Variants in CEBPZ observed in about 807,000 individuals in gnomAD.
CEBPZ encodes CCAAT enhancer binding protein zeta.
Under a neutral mutation model 104.5 loss-of-function variants are expected in CEBPZ, and 78 were observed. The observed-to-expected ratio is 0.75, with a 90% CI of 0.62 to 0.90. CEBPZ has a LOEUF of 0.90. Ranked by LOEUF, CEBPZ falls within the 40% of genes least tolerant of loss-of-function variation. The pLI, the probability that CEBPZ is intolerant of heterozygous loss-of-function variation, is 0.00. For missense variants in CEBPZ, 1,439 were observed against 1,233.5 expected (o/e 1.17, Z -2.50); for synonymous variants, 470 against 427.0 (o/e 1.10, Z -1.24).
chr2:37,218,444 G>A (rs1212250279), intron 5 of CEBPZ, among the ~76,000 whole-genome samples: 3 of 152,160 alleles, frequency 2.0e-5, no homozygotes, highest in Admixed American at 2.0e-4. Context: ...GGCCTCATGT[G>A]TAGAAAATAG....
chr2:37,226,895 C>A (rs1000465723), intron 2 of CEBPZ, among the ~76,000 whole-genome samples: 2 of 152,084 alleles, frequency 1.3e-5, no homozygotes, highest in Non-Finnish European at 2.9e-5. Flanking sequence ...AGAAAATCTT[C>A]ATCTCCATTA....
At chr2:37,217,519 T>C (rs1242705506) in intron 5 of CEBPZ, among the ~76,000 whole-genome samples, 3 of 152,172 alleles carry the variant, frequency 2.0e-5, no homozygotes, top group African/African-American at 4.8e-5. Flanking sequence ...AAAAATTCCA[T>C]CAGTTTCTAT....
intron 15 of CEBPZ, chr2:37,202,579 A>G: frequency 2.5e-6 from 1 of 392,382 alleles, no homozygotes; most frequent in Non-Finnish European, 4.6e-6. Context: ...TGGGAGATGG[A>G]GGTTGCAGTG....
At chr2:37,201,970 T>C (rs770848482) in intron 15 of CEBPZ, 67 bp from the exon 16 acceptor site, 1 of 1,473,666 alleles carries the variant, frequency 6.8e-7, no homozygotes, top group Non-Finnish European at 9.2e-7. Context: ...CCACAGAACA[T>C]GCTGCTGAGT....
Position 37,212,323 on chromosome 2 carries a change from G to C in CEBPZ, c.2603+12C>G. The C allele has an allele frequency of 1.2e-6, 2 of 1,609,304 alleles. No homozygotes were observed. Among genetic ancestry groups the C allele is most frequent in the Non-Finnish European group, 8.5e-7 (1 of 1,175,926 alleles). On this transcript the variant is annotated intron_variant, in intron 11 of 15. Coordinates refer to ENST00000234170, the MANE Select transcript of CEBPZ (RefSeq NM_005760.3). The stretch of plus-strand genomic sequence containing the variant: ...CTAGAAAAATAGGAAGGAGAAGATA[G>C]AAGTATGTTACCCAGCAAAATCCAT...
chr2:37,222,782 C>T (rs922229201), intron 3 of CEBPZ, among the ~76,000 whole-genome samples: 1 of 152,124 alleles, frequency 6.6e-6, no homozygotes, highest in Non-Finnish European at 1.5e-5. Context: ...GCTAAGAACC[C>T]CTGAGCCTTA....
intron 13 of CEBPZ, among the ~76,000 whole-genome samples, chr2:37,207,460 C>T (rs1206920632): frequency 6.6e-6 from 1 of 152,164 alleles, no homozygotes; most frequent in African/African-American, 2.4e-5. Context: ...TACCCTCTCA[C>T]ACCACAGTGG....
At chr2:37,204,903 T>C (rs1418878970) in intron 13 of CEBPZ, among the ~76,000 whole-genome samples, 1 of 152,130 alleles carries the variant, frequency 6.6e-6, no homozygotes, top group African/African-American at 2.4e-5. Context: ...CATTAAAAAA[T>C]TTTTTTCTTC....
At position 37,202,989 on chromosome 2, in the gene CEBPZ, TCTTTTC is replaced by T. The variant is rs777404579; in HGVS notation, c.2898_2903del (p.Lys967_Arg968del). The stretch of plus-strand genomic sequence containing the variant: ...CAAATAGGCTGGAATCATTTAAGTT[TCTTTTC>T]TTTTTTCTTGGCCCTAAAAAAAATT... On this transcript the variant is annotated inframe_deletion, in exon 14 of 16. Coordinates refer to ENST00000234170, the MANE Select transcript of CEBPZ (RefSeq NM_005760.3). The T allele has an allele frequency of 6.4e-7, 1 of 1,553,526 alleles. No individual in the cohort carries two copies. The highest frequency in any genetic ancestry group is 2.0e-5 in the Admixed American group (1 of 49,280).
chr2:37,207,223 C>T (rs1004120514), intron 13 of CEBPZ, among the ~76,000 whole-genome samples: 1 of 152,212 alleles, frequency 6.6e-6, no homozygotes, highest in African/African-American at 2.4e-5. Context: ...CAATACTCCA[C>T]TGACAGCCCT....
intron 2 of CEBPZ, among the ~76,000 whole-genome samples, chr2:37,227,248 T>C (rs112150852): frequency 6.6e-6 from 1 of 152,214 alleles, no homozygotes; most frequent in African/African-American, 2.4e-5. Flanking sequence ...AAAACAAATA[T>C]AGCAAAATGT....
intron 2 of CEBPZ, among the ~76,000 whole-genome samples, chr2:37,225,882 T>C (rs1477302028): frequency 1.8e-5 from 2 of 108,572 alleles, no homozygotes; most frequent in Non-Finnish European, 3.7e-5. Context: ...TCTACTGAGA[T>C]AGGGAAAAAC....
intron 7 of CEBPZ, 40 bp from the exon 8 acceptor site, chr2:37,216,248 T>C (rs1677864454): frequency 3.7e-6 from 6 of 1,602,526 alleles, no homozygotes; most frequent in Non-Finnish European, 5.1e-6. Context: ...CAAAACCTAG[T>C]TATAAGCTCA....
chr2:37,215,043 A>T (rs956699325), intron 8 of CEBPZ, 91 bp from the exon 9 acceptor site: 15 of 822,338 alleles, frequency 1.8e-5, no homozygotes, highest in Non-Finnish European at 3.0e-5. Context: ...ATAATCTGTA[A>T]TTCTAAAAAT....
intron 6 of CEBPZ, among the ~76,000 whole-genome samples, chr2:37,216,640 T>C (rs998083836): frequency 9.2e-5 from 14 of 152,204 alleles, no homozygotes; most frequent in African/African-American, 3.4e-4. Flanking sequence ...ATTTGATGGA[T>C]AGACTAATAT....
In CEBPZ at chr2:37,220,385, C is replaced by G. The variant is rs768574220; in HGVS notation, c.2154G>C (p.Lys718Asn). Residue 718 changes from lysine to asparagine, a missense_variant and splice_region_variant, in exon 5 of 16, where the codon AAG becomes AAC. Transcript: ENST00000234170. ...AENTSLWELKKLSVHFHPSVA... is the reference protein window; with the variant it reads ...AENTSLWELKNLSVHFHPSVA... ...AAAAGACAATTTGAAATTATTTTACCTTTTTGAGTTCCCAAAGACTTGTAT... is the reference window on the plus strand; with the variant it reads ...AAAAGACAATTTGAAATTATTTTACGTTTTTGAGTTCCCAAAGACTTGTAT... 1 of 1,494,712 alleles carries G rather than the reference C, an allele frequency of 6.7e-7. No homozygotes were observed. Among genetic ancestry groups the G allele is most frequent in the Non-Finnish European group, 9.2e-7 (1 of 1,089,028 alleles). 92.6% of individuals were successfully genotyped at this position (1,494,712 alleles called of 1,614,324 possible).
At position 37,228,279 on chromosome 2, in the gene CEBPZ, C is replaced by G. The variant is rs1289372269; in HGVS notation, c.914G>C (p.Arg305Thr). ...GTCAAAAGGACGCTGGCTGAAAATC[C>G]TCAGCTTCCGATTGTCTGGCAAAAG... The part of the protein sequence containing the change: ...TDLLPDNRKL[R>T]IFSQRPFDKL... Residue 305 changes from arginine to threonine, a missense_variant, in exon 2 of 16, where the codon AGG becomes ACG. Arg to Thr is a moderately conservative substitution (Grantham distance 71, BLOSUM62 -1). Transcript: ENST00000234170. 1 of 1,614,174 alleles carries G rather than the reference C, an allele frequency of 6.2e-7. No individual in the cohort carries two copies. Among genetic ancestry groups the G allele is most frequent in the Non-Finnish European group, 8.5e-7 (1 of 1,180,026 alleles).
chr2:37,228,723 G>C lies in CEBPZ; in HGVS notation c.470C>G (p.Pro157Arg), dbSNP rs1300163043. 2 of 1,613,938 alleles carry C rather than the reference G, an allele frequency of 1.2e-6. No homozygotes were observed. Among genetic ancestry groups the C allele is most frequent in the Admixed American group, 1.7e-5 (1 of 60,016 alleles). The change falls in exon 2 of 16, where the codon CCG becomes CGG. Residue 157 changes from proline to arginine, a missense_variant. Coordinates refer to ENST00000234170, the MANE Select transcript of CEBPZ (RefSeq NM_005760.3). ...GTTCTGTTTATCTTTCTTTACTTTC[G>C]GTGTGGTACTGCCATTCTCATCAGA... ...PHSDENGSTT[P>R]KVKKDKQNIF...
At chr2:37,215,992 T>TAAG (rs1300029009) in intron 8 of CEBPZ, 148 bp downstream of exon 8, 5 of 570,456 alleles carry the variant, frequency 8.8e-6, no homozygotes, top group Non-Finnish European at 1.5e-5. Context: ...ACAGTAGATT[T>TAAG]AAGAATACCT....
Sources: allele counts gnomAD v4.1 joint callset (sites outside exome capture counted in the v4.1 genomes callset), GRCh38; gene constraint gnomAD v4.1.1; transcripts MANE v1.5; gene names NCBI Gene and HGNC (gene_info 2026-07-23, HGNC 2026-07-21).